BAZ2B: variants seen among roughly 807,000 people sequenced by gnomAD.
BAZ2B encodes the protein bromodomain adjacent to zinc finger domain 2B, also known as bromodomain adjacent to zinc finger domain protein 2B.
BAZ2B carries 91 observed loss-of-function variants against 246.0 expected under a neutral mutation model. That is an observed-to-expected ratio of 0.37 (90% CI 0.31 to 0.44). The LOEUF (loss-of-function observed/expected upper bound fraction) is 0.44. BAZ2B is among the 20% of genes least tolerant of loss of function. The pLI is 1.00. For missense variants in BAZ2B, 2,332 were observed against 2,533.7 expected, an observed-to-expected ratio of 0.92 and a Z score of 1.71; for synonymous variants, 855 against 860.0, an observed-to-expected ratio of 0.99 and a Z score of 0.10.
At chr2:159,383,739 T>A in intron 23 of BAZ2B, 59 bp from the exon 24 acceptor site, 2 of 1,398,884 alleles carry the variant, frequency 1.4e-6, no homozygotes, top group Non-Finnish European at 2.0e-6. Context: ...AATGCATTAA[T>A]TTGATATGCA....
intron 2 of BAZ2B, among the ~76,000 whole-genome samples, chr2:159,544,995 G>A (rs2087135854): frequency 6.6e-6 from 1 of 152,158 alleles, no homozygotes; most frequent in South Asian, 2.1e-4. Flanking sequence ...TTCTGCTGTG[G>A]CAACATTATA....
At chr2:159,615,187 G>T (rs1695633649) in intron 1 of BAZ2B, 2 of 149,952 alleles carry the variant, frequency 1.3e-5, no homozygotes. Context: ...AACAGAGCCA[G>T]CTCTGACTCT....
intron 14 of BAZ2B, 77 bp downstream of exon 14, chr2:159,412,258 T>A: frequency 6.9e-7 from 1 of 1,449,420 alleles, no homozygotes; most frequent in Non-Finnish European, 9.5e-7. Flanking sequence ...GTGTCAATCC[T>A]AAGTCAAAAA....
intron 27 of BAZ2B, among the ~76,000 whole-genome samples, chr2:159,368,521 T>C (rs905560654): frequency 1.3e-5 from 2 of 152,214 alleles, no homozygotes; most frequent in Non-Finnish European, 2.9e-5. Context: ...ACAGCAGACG[T>C]ATATTCCCTT....
intron 1 of BAZ2B, among the ~76,000 whole-genome samples, chr2:159,574,332 T>TA (rs1011488494): frequency 7.4e-6 from 1 of 135,156 alleles, no homozygotes; most frequent in African/African-American, 2.5e-5. Context: ...CTAGAATGGC[T>TA]AAAAAACAAA....
chr2:159,565,746 C>A (rs2090336345), intron 1 of BAZ2B, among the ~76,000 whole-genome samples: 1 of 141,994 alleles, frequency 7.0e-6, no homozygotes, highest in Non-Finnish European at 1.5e-5. Flanking sequence ...CACTGCATTC[C>A]AGCCTGGGCA....
intron 8 of BAZ2B, chr2:159,435,308 T>C (rs2072020344): frequency 6.6e-6 from 1 of 151,104 alleles, no homozygotes; most frequent in African/African-American, 2.4e-5. Context: ...GATTCCTGAG[T>C]AGCTGAGACT....
chr2:159,667,852 T>C, the BAZ2B span, among the ~76,000 whole-genome samples: 1 of 152,044 alleles, frequency 6.6e-6, no homozygotes, highest in Non-Finnish European at 1.5e-5. Context: ...AAAAACTGCA[T>C]TGTCTATTAT....
At chr2:159,704,219 A>G in the BAZ2B span, among the ~76,000 whole-genome samples, 6 of 152,332 alleles carry the variant, frequency 3.9e-5, no homozygotes, top group East Asian at 1.2e-3. Flanking sequence ...ATAGCTTTTA[A>G]AGTATTATTA....
intron 13 of BAZ2B, chr2:159,419,880 T>C (rs1253422361): frequency 6.6e-6 from 1 of 152,222 alleles, no homozygotes; most frequent in Non-Finnish European, 1.5e-5. Flanking sequence ...TTGCATTAGG[T>C]GTGACAGTTA....
intron 36 of BAZ2B, among the ~76,000 whole-genome samples, chr2:159,322,613 T>C (rs746661381): frequency 1.3e-5 from 2 of 152,034 alleles, no homozygotes; most frequent in Admixed American, 1.3e-4. Context: ...TTAGGGAGAG[T>C]GGAGTCCAGG....
intron 2 of BAZ2B, among the ~76,000 whole-genome samples, chr2:159,548,244 A>G (rs1485775119): frequency 6.6e-6 from 1 of 152,216 alleles, no homozygotes; most frequent in Non-Finnish European, 1.5e-5. Context: ...GTCACTTGCT[A>G]TAAAATATGG....
chr2:159,661,961 C>T, the BAZ2B span, among the ~76,000 whole-genome samples: 2 of 152,156 alleles, frequency 1.3e-5, no homozygotes, highest in South Asian at 2.1e-4. Context: ...GACCACCCCC[C>T]ACCCAAAATA....
the BAZ2B span, among the ~76,000 whole-genome samples, chr2:159,622,106 C>CA: frequency 0.068 from 8,800 of 129,530 alleles, 298 homozygotes; most frequent in East Asian, 0.15. Context: ...AACTCCATCT[C>CA]AAAAAAAAAA....
rs75620176 is a variant in BAZ2B at position 159,483,893 on chromosome 2, T to TA, written c.-2-5173dup. Among the ~76,000 whole-genome samples the TA allele has an allele frequency of 1.1e-3, 154 of 142,948 alleles. 1 individual carries two copies. Among genetic ancestry groups the TA allele is most frequent in the South Asian group, 5.7e-3 (26 of 4,528 alleles). 93.8% of individuals were successfully genotyped at this position (142,948 alleles called of 152,430 possible). ...CACAAATTAACGCAAAACACTATAGTAAAAAAAAAAAAATGTTGTGAACCA... is the reference window on the plus strand; with the variant it reads ...CACAAATTAACGCAAAACACTATAGTAAAAAAAAAAAAAATGTTGTGAACCA... On this transcript the variant is annotated intron_variant, in intron 2 of 36. Transcript: ENST00000392783.
rs1172572518 is a variant in BAZ2B, at chr2:159,349,811, T to A, written c.4760A>T (p.Gln1587Leu). The change falls in exon 28 of 37, where the codon CAG (glutamine) becomes CTG (leucine). Residue 1587 changes from glutamine (Q) to leucine (L), a missense_variant. By Grantham distance (113) the Gln-to-Leu change is moderately radical. Transcript: ENST00000392783. ...AGGTGACTTAGATGGTGGCTGAGAC[T>A]GAGGAGTCACCAAAGAAGCAGTTGA... ...DMSTASLVTP[Q>L]SQPPSKSPSP... 1.2e-6 allele frequency: 2 copies of A among 1,614,014 alleles called. No individual in the cohort carries two copies. The highest frequency in any genetic ancestry group is 1.3e-5 in the African/African-American group (1 of 74,930).
Position 159,446,945 on chromosome 2 carries a change from G to A in BAZ2B, c.533C>T (p.Thr178Ile). The change falls in exon 6 of 37, where the codon ACA becomes ATA. Residue 178 changes from threonine (T) to isoleucine (I), a missense_variant. This residue lies in a region of BAZ2B where 242 missense variants were observed against 237.4 expected (regional missense o/e 1.02). Coordinates refer to ENST00000392783, the MANE Select transcript of BAZ2B (RefSeq NM_013450.4). The stretch of plus-strand genomic sequence containing the variant: ...TGTGTTGATACCAATTACAGATGAT[G>A]TATTACTTCCATTTATTGACCCATT... ...GVNGSINGSN[T>I]SSVIGINTSV... is the part of the protein sequence containing the mutation. 6.3e-7 allele frequency: 1 copy of A among 1,586,696 alleles called. No homozygotes were observed. Among genetic ancestry groups the A allele is most frequent in the South Asian group, 1.2e-5 (1 of 85,536 alleles).
At chr2:159,555,075 TG>T (rs2088898840) in intron 2 of BAZ2B, among the ~76,000 whole-genome samples, 1 of 145,846 alleles carries the variant, frequency 6.9e-6, no homozygotes, top group Non-Finnish European at 1.5e-5. Context: ...GGGGGGTGTG[TG>T]TGTGTGTGTG....
At chr2:159,542,665 T>A (rs1236799307) in intron 2 of BAZ2B, among the ~76,000 whole-genome samples, 1 of 151,544 alleles carries the variant, frequency 6.6e-6, no homozygotes, top group African/African-American at 2.4e-5. Context: ...TAAAGAAGTA[T>A]GAGTAAGATT....
Sources: allele counts gnomAD v4.1 joint callset (sites outside exome capture counted in the v4.1 genomes callset), GRCh38; gene constraint gnomAD v4.1.1; regional missense constraint gnomAD v4.1.1; transcripts MANE v1.5; gene names NCBI Gene and HGNC (gene_info 2026-07-23, HGNC 2026-07-21).